Variants in MYH16 observed in about 807,000 individuals in gnomAD.
MYH16 encodes the protein putative uncharacterized protein MYH16.
chr7:99,295,608 C>T (rs2150831742), intron 33 of MYH16, among the ~76,000 whole-genome samples: 1 of 152,118 alleles, frequency 6.6e-6, no homozygotes, highest in African/African-American at 2.4e-5. Flanking sequence ...CCACATGCAG[C>T]CCAATACAAG....
chr7:99,265,994 A>C (rs114117687), intron 17 of MYH16, among the ~76,000 whole-genome samples: 34 of 152,316 alleles, frequency 2.2e-4, no homozygotes, highest in African/African-American at 7.5e-4. Flanking sequence ...GCCCTCAATC[A>C]GTGACTGAGG....
chr7:99,275,826 G>C (rs1792103753), intron 20 of MYH16, among the ~76,000 whole-genome samples: 1 of 152,226 alleles, frequency 6.6e-6, no homozygotes, highest in Non-Finnish European at 1.5e-5. Flanking sequence ...CCGCCTCCCG[G>C]ATTCAAGCGA....
chr7:99,298,241 T>G (rs1406237132), intron 36 of MYH16, among the ~76,000 whole-genome samples: 1 of 151,826 alleles, frequency 6.6e-6, no homozygotes, highest in Non-Finnish European at 1.5e-5. Flanking sequence ...TTTTGGTTTT[T>G]TTTTTTTTTG....
intron 18 of MYH16, among the ~76,000 whole-genome samples, chr7:99,268,770 T>C (rs114451410): frequency 0.016 from 2,487 of 152,234 alleles, 70 homozygotes; most frequent in African/African-American, 0.056. Context: ...TATCAGGAAA[T>C]GTTTTATGAC....
In MYH16 at chr7:99,294,917, G is replaced by A. The variant is rs371347394; in HGVS notation, n.4282+767G>A. On this transcript the variant is annotated intron_variant and non_coding_transcript_variant, in intron 33 of 41. Transcript: ENST00000439784. ...TAGCCAGGTGTGGTGGCACATGCCT[G>A]TGGTCCCAACTACTTGGGAAGCTAA... Among the ~76,000 whole-genome samples the A allele has an allele frequency of 6.1e-4, 93 of 152,280 alleles. 1 individual carries two copies. The South Asian group carries it at 0.019, about 31-fold the overall frequency.
intron 36 of MYH16, among the ~76,000 whole-genome samples, chr7:99,298,221 T>G (rs1038728853): frequency 7.9e-5 from 12 of 151,910 alleles, no homozygotes; most frequent in African/African-American, 2.7e-4. Context: ...TTGGTTTTTT[T>G]GGGGGTTCTT....
At position 99,305,319 on chromosome 7, in the gene MYH16, C is replaced by A. The variant is rs745698753; in HGVS notation, n.5435-517C>A. ...TCTTTCCCTCCCTGTCACCTTCCTC[C>A]CCAGAATGTCCTTAGCCTCAAGCAG... On this transcript the variant is annotated intron_variant and non_coding_transcript_variant, in intron 40 of 41. Coordinates refer to ENST00000439784, the Ensembl canonical transcript of MYH16. Among the ~76,000 whole-genome samples, 79 of 152,286 alleles carry A rather than the reference C, an allele frequency of 5.2e-4. 1 individual carries two copies. In the Middle Eastern group the frequency reaches 0.031, roughly 59 times the overall value.
intron 29 of MYH16, 27 bp from the exon 11 acceptor site, chr7:99,289,260 C>T: frequency 3.3e-6 from 1 of 299,438 alleles, no homozygotes. Context: ...CCGCAACTTC[C>T]CCACTGAGTT....
At chr7:99,299,927 T>TTTTATTTATTTATTTATTTA (rs61663432) in intron 37 of MYH16, among the ~76,000 whole-genome samples, 1 of 138,232 alleles carries the variant, frequency 7.2e-6, no homozygotes, top group South Asian at 2.3e-4. Context: ...TTTTATTTTA[T>TTTTATTTATTTATTTATTTA]TTTATTTATT....
At chr7:99,309,947 G>A (rs149152409), downstream of MYH16, among the ~76,000 whole-genome samples, 1,440 of 152,080 alleles carry the variant, frequency 9.5e-3, 26 homozygotes, top group African/African-American at 0.033. Context: ...GCTTGAACCT[G>A]TGAGGCAGAG....
intron 17 of MYH16, among the ~76,000 whole-genome samples, chr7:99,266,631 C>G (rs1791989825): frequency 6.6e-6 from 1 of 152,194 alleles, no homozygotes; most frequent in South Asian, 2.1e-4. Context: ...GAAACAGCTC[C>G]TCCCTGTACC....
At chr7:99,262,317 G>A (rs1275547556) in intron 13 of MYH16, among the ~76,000 whole-genome samples, 3 of 152,228 alleles carry the variant, frequency 2.0e-5, no homozygotes, top group Non-Finnish European at 4.4e-5. Flanking sequence ...AGAGCTGTCA[G>A]GAAAGTCATG....
chr7:99,310,541 C>G (rs1792745799), downstream of MYH16, among the ~76,000 whole-genome samples: 1 of 152,118 alleles, frequency 6.6e-6, no homozygotes, highest in Non-Finnish European at 1.5e-5. Context: ...TCTCTAAACC[C>G]TCAAAACCTC....
exon 33 of MYH16, chr7:99,294,139 G>GAT (rs1792437952): frequency 2.2e-6 from 1 of 455,566 alleles, no homozygotes; most frequent in Non-Finnish European, 4.4e-6. Context: ...CCTCACCATC[G>GAT]ACTTGGAGAA....
intron 37 of MYH16, among the ~76,000 whole-genome samples, chr7:99,300,911 C>T (rs1792582534): frequency 6.6e-6 from 1 of 151,938 alleles, no homozygotes. Flanking sequence ...AATAAGAGGA[C>T]AGGCCAGGCG....
chr7:99,260,432 T>C, intron 12 of MYH16: 1 of 557,758 alleles, frequency 1.8e-6, no homozygotes, highest in Non-Finnish European at 3.3e-6. Flanking sequence ...GGGGAGTCAG[T>C]GACACCACCA....
chr7:99,262,349 A>C (rs915337394), intron 13 of MYH16, among the ~76,000 whole-genome samples: 4 of 152,232 alleles, frequency 2.6e-5, no homozygotes, highest in African/African-American at 9.6e-5. Flanking sequence ...CATCAGGGCC[A>C]AGGCTTTATG....
chr7:99,277,959 C>T (rs1177923809), intron 21 of MYH16, among the ~76,000 whole-genome samples: 3 of 149,840 alleles, frequency 2.0e-5, no homozygotes, highest in African/African-American at 5.0e-5. Flanking sequence ...GACAGACAGA[C>T]AGACAGACAG....
intron 5 of MYH16, chr7:99,250,146 A>G (rs1365398235): frequency 6.6e-6 from 1 of 152,610 alleles, no homozygotes; most frequent in Admixed American, 6.5e-5. Context: ...GTGCCCATTC[A>G]ATCTTCACAG....
Sources: allele counts gnomAD v4.1 joint callset (sites outside exome capture counted in the v4.1 genomes callset), GRCh38; gene constraint gnomAD v4.1.1; transcripts MANE v1.5; gene names NCBI Gene and HGNC (gene_info 2026-07-23, HGNC 2026-07-21).